Variants in GPR63 observed in about 807,000 individuals in gnomAD.
The protein encoded by GPR63 is probable G protein-coupled receptor 63.
A neutral mutation model predicts 23.1 loss-of-function variants in GPR63; 12 were observed. That is an observed-to-expected ratio of 0.52 (90% CI 0.33 to 0.84). GPR63 has a LOEUF of 0.84. Among genes scored for constraint, GPR63 ranks in the 40% least tolerant of loss-of-function variants. The pLI, the probability that GPR63 is intolerant of heterozygous loss-of-function variation, is 0.02. For synonymous variants in GPR63, 172 were observed against 191.1 expected, an observed-to-expected ratio of 0.90 and a Z score of 0.82; for missense variants, 472 against 515.6, an observed-to-expected ratio of 0.92 and a Z score of 0.82.
chr6:96,824,680 G>C (rs1282412448), intron 1 of GPR63, among the ~76,000 whole-genome samples: 5 of 149,896 alleles, frequency 3.3e-5, no homozygotes, highest in African/African-American at 4.9e-5. Flanking sequence ...AAATGGCTGT[G>C]TTCTTAACAC....
At chr6:96,813,350 A>G (rs1774089864) in intron 1 of GPR63, among the ~76,000 whole-genome samples, 1 of 152,188 alleles carries the variant, frequency 6.6e-6, no homozygotes, top group African/African-American at 2.4e-5. Flanking sequence ...CTTTGAATAT[A>G]TACCCAGCAC....
chr6:96,828,180 A>C (rs1774490425), intron 1 of GPR63, among the ~76,000 whole-genome samples: 1 of 152,124 alleles, frequency 6.6e-6, no homozygotes, highest in Non-Finnish European at 1.5e-5. Context: ...TCCAAGATCA[A>C]GGTACTATCG....
chr6:96,798,688 G>A lies in GPR63; in HGVS notation c.1044C>T (p.Asn348=). 1 of 1,614,222 alleles carries A rather than the reference G, an allele frequency of 6.2e-7. No homozygotes were observed. The highest frequency in any genetic ancestry group is 1.3e-5 in the African/African-American group (1 of 75,060). ...GTAGCCAGGTGCTAATCTCAAAAAA[G>A]TTGTGCTGATAGTAAAAGTGCTTAC... ...TFSKHFYYQH[N]FFEISTWLLW... is the part of the protein sequence containing the mutation. Residue 348 remains asparagine (N), a synonymous_variant, in exon 2 of 2, where the codon AAC becomes AAT. Coordinates refer to ENST00000229955, the MANE Select transcript of GPR63 (RefSeq NM_030784.4).
At chr6:96,815,106 C>T (rs1774130814) in intron 1 of GPR63, among the ~76,000 whole-genome samples, 2 of 152,200 alleles carry the variant, frequency 1.3e-5, no homozygotes, top group African/African-American at 4.8e-5. Context: ...TGGTCTAACA[C>T]TTCAACTCCT....
intron 1 of GPR63, among the ~76,000 whole-genome samples, chr6:96,828,410 T>C (rs985657906): frequency 2.6e-5 from 4 of 152,074 alleles, no homozygotes; most frequent in Admixed American, 2.6e-4. Context: ...CTTCAGCATA[T>C]GAATTTTGGG....
chr6:96,834,553 A>G (rs1484385429), intron 1 of GPR63, among the ~76,000 whole-genome samples: 1 of 150,570 alleles, frequency 6.6e-6, no homozygotes, highest in African/African-American at 2.4e-5. Flanking sequence ...CTAAATATAC[A>G]TATGTCATAG....
chr6:96,814,526 T>C (rs1426888506), intron 1 of GPR63, among the ~76,000 whole-genome samples: 1 of 152,124 alleles, frequency 6.6e-6, no homozygotes, highest in African/African-American at 2.4e-5. Flanking sequence ...GGCAATGTGC[T>C]GCCAATCACA....
intron 1 of GPR63, among the ~76,000 whole-genome samples, chr6:96,810,243 C>T (rs541292981): frequency 6.3e-4 from 96 of 152,214 alleles, no homozygotes; most frequent in Non-Finnish European, 1.3e-3. Context: ...CACCTGTAAT[C>T]CCAGCAGTTT....
At position 96,798,950 on chromosome 6, in the gene GPR63, G is replaced by A. The variant is rs780004556; in HGVS notation, c.782C>T (p.Ser261Leu). The A allele has an allele frequency of 5.0e-6, 8 of 1,614,022 alleles. No homozygotes were observed. Among genetic ancestry groups the A allele is most frequent in the African/African-American group, 1.3e-5 (1 of 74,906 alleles). Reference protein sequence around the residue: ...FFIPFLVILYSFMGILNTLRH... With the variant: ...FFIPFLVILYLFMGILNTLRH... ...AAGGGTGTTGAGTATGCCCATAAATGAGTACAGTATTACCAGGAAGGGTAT... is the reference window on the plus strand; with the variant it reads ...AAGGGTGTTGAGTATGCCCATAAATAAGTACAGTATTACCAGGAAGGGTAT... Residue 261 changes from serine (S) to leucine (L), a missense_variant, in exon 2 of 2, where the codon TCA becomes TTA. By Grantham distance (145) the Ser-to-Leu change is moderately radical. Transcript: ENST00000229955.
At position 96,833,811 on chromosome 6, in the gene GPR63, C is replaced by G. The variant is rs146219572; in HGVS notation, c.-151+3457G>C. On this transcript the variant is annotated intron_variant, in intron 1 of 1. Coordinates refer to ENST00000229955, the MANE Select transcript of GPR63 (RefSeq NM_030784.4). The stretch of plus-strand genomic sequence containing the variant: ...ATATGCCAGGTGATTGGTACAGTAT[C>G]TGGCTGGGGGTTTTTCTAAATTGTA... Among the ~76,000 whole-genome samples, 6 of 132,544 alleles carry G rather than the reference C, an allele frequency of 4.5e-5. No homozygotes were observed. The East Asian group carries it at 1.3e-3, about 28-fold the overall frequency. 87.0% of individuals were successfully genotyped at this position (132,544 alleles called of 152,430 possible).
chr6:96,795,483 C>G lies in GPR63; in HGVS notation c.*2989G>C, dbSNP rs1166365447. 1 of 152,080 alleles carries G rather than the reference C, an allele frequency of 6.6e-6. No homozygotes were observed. The highest frequency in any genetic ancestry group is 1.5e-5 in the Non-Finnish European group (1 of 68,014). 9.4% of individuals were successfully genotyped at this position (152,080 alleles called of 1,614,324 possible). A position where few individuals can be genotyped will look rare whatever the true frequency, so the allele number is the denominator to read the frequency against. On this transcript the variant is annotated 3_prime_UTR_variant, in exon 2 of 2. Coordinates refer to ENST00000229955, the MANE Select transcript of GPR63 (RefSeq NM_030784.4). ...ACAATGTATACATAATAAAAATGTT[C>G]AAAATGATTTGTAAACTCTCATCAG...
intron 1 of GPR63, among the ~76,000 whole-genome samples, chr6:96,809,232 C>G (rs1336522209): frequency 6.6e-6 from 1 of 152,116 alleles, no homozygotes; most frequent in African/African-American, 2.4e-5. Context: ...ATCTCTAACC[C>G]CTCTAGGAGA....
chr6:96,829,832 G>A (rs1245613969), intron 1 of GPR63, among the ~76,000 whole-genome samples: 2 of 151,608 alleles, frequency 1.3e-5, no homozygotes, highest in Non-Finnish European at 2.9e-5. Context: ...AATAAAGGCA[G>A]AAATAAACCT....
chr6:96,813,197 G>T (rs1293556669), intron 1 of GPR63, among the ~76,000 whole-genome samples: 2 of 152,078 alleles, frequency 1.3e-5, no homozygotes, highest in African/African-American at 4.8e-5. Flanking sequence ...TGGCTAAATA[G>T]AACTCCACTG....
chr6:96,820,693 A>G (rs763906605), intron 1 of GPR63, among the ~76,000 whole-genome samples: 1 of 151,866 alleles, frequency 6.6e-6, no homozygotes, highest in Non-Finnish European at 1.5e-5. Context: ...CAGCTTTAGC[A>G]TTGAACTGAA....
chr6:96,800,189 A>G (rs1773726122), intron 1 of GPR63, among the ~76,000 whole-genome samples: 1 of 152,212 alleles, frequency 6.6e-6, no homozygotes, highest in South Asian at 2.1e-4. Flanking sequence ...AGTGCCTTTA[A>G]TTTTAATTAA....
intron 1 of GPR63, among the ~76,000 whole-genome samples, chr6:96,822,139 T>C (rs1008279608): frequency 1.4e-4 from 22 of 151,800 alleles, no homozygotes; most frequent in African/African-American, 5.3e-4. Flanking sequence ...ATTCCAATAA[T>C]GAACACAAAG....
At chr6:96,812,753 T>C (rs1343897132) in intron 1 of GPR63, among the ~76,000 whole-genome samples, 1 of 152,134 alleles carries the variant, frequency 6.6e-6, no homozygotes, top group Non-Finnish European at 1.5e-5. Flanking sequence ...GGGGTACATG[T>C]GAGCATTTGT....
At position 96,797,320 on chromosome 6, in the gene GPR63, A is replaced by G. The variant is rs988878780; in HGVS notation, c.*1152T>C. 4 of 152,190 alleles carry G rather than the reference A, an allele frequency of 2.6e-5. No individual in the cohort carries two copies. Among genetic ancestry groups the G allele is most frequent in the African/African-American group, 9.7e-5 (4 of 41,446 alleles). The allele number at this position is 152,190 out of a possible 1,614,324, so 9.4% of individuals were successfully genotyped here. On this transcript the variant is annotated 3_prime_UTR_variant, in exon 2 of 2. Transcript: ENST00000229955. ...TCATATTTCTTTTGGTAGTTAGAAA[A>G]TAAAGGCTAATTTTTAAAAAGAATA... is the stretch of plus-strand genomic sequence containing the variant.
Sources: gnomAD v4.1 joint callset for allele counts (sites outside exome capture counted in the v4.1 genomes callset) on GRCh38, gnomAD v4.1.1 for gene constraint, MANE v1.5 for transcripts, NCBI Gene and HGNC (gene_info 2026-07-23, HGNC 2026-07-21) for gene names.